ITPR1: variants seen among roughly 807,000 people sequenced by gnomAD.
The protein encoded by ITPR1 is inositol 1,4,5-trisphosphate-gated calcium channel ITPR1.
Under a neutral mutation model 318.4 loss-of-function variants are expected in ITPR1, and 96 were observed. The ratio of observed to expected loss-of-function variants is 0.30; its 90% CI spans 0.26 to 0.36. ITPR1 has a LOEUF of 0.36. Ranked by LOEUF, ITPR1 falls within the 10% of genes least tolerant of loss-of-function variation. The pLI is 1.00. For synonymous variants in ITPR1, 1,312 were observed against 1,289.9 expected (o/e 1.02, Z -0.37); for missense variants, 2,440 against 3,460.2 (o/e 0.71, Z 7.40).
chr3:4,618,194 T>C (rs1315661845), intron 4 of ITPR1, among the ~76,000 whole-genome samples: 1 of 152,178 alleles, frequency 6.6e-6, no homozygotes, highest in Non-Finnish European at 1.5e-5. Flanking sequence ...CACTTTAAAA[T>C]GGTTAATTTT....
intron 46 of ITPR1, among the ~76,000 whole-genome samples, chr3:4,769,692 G>A (rs1462719099): frequency 1.3e-5 from 2 of 152,226 alleles, no homozygotes; most frequent in East Asian, 1.9e-4. Context: ...GGAAACTGAG[G>A]TGCAGAGGAC....
In ITPR1 at chr3:4,659,435, C is replaced by A. The variant is rs192047130; in HGVS notation, c.1151+1157C>A. Among the ~76,000 whole-genome samples the A allele has an allele frequency of 4.6e-3, 695 of 152,250 alleles. 5 individuals are homozygous for A. The highest frequency in any genetic ancestry group is 0.016 in the African/African-American group (660 of 41,544). ...GTGCCTCACACCTGTAATCCGAGCACTTTGGGAGGCTGAAGCAGACAGATC... is the reference window on the plus strand; with the variant it reads ...GTGCCTCACACCTGTAATCCGAGCAATTTGGGAGGCTGAAGCAGACAGATC... On this transcript the variant is annotated intron_variant, in intron 13 of 61. Transcript: ENST00000649015.
intron 54 of ITPR1, 58 bp from the exon 55 acceptor site, chr3:4,806,045 T>C (rs2048532390): frequency 3.5e-6 from 5 of 1,411,210 alleles, no homozygotes; most frequent in Non-Finnish European, 9.7e-7. Flanking sequence ...CTCTCGTTGC[T>C]CTCATGAAGA....
chr3:4,661,217 C>A, intron 14 of ITPR1, 130 bp downstream of exon 14: 1 of 538,884 alleles, frequency 1.9e-6, no homozygotes, highest in Non-Finnish European at 3.4e-6. Flanking sequence ...CATGGCCGAA[C>A]TTGAATGTGA....
intron 34 of ITPR1, among the ~76,000 whole-genome samples, 177 bp downstream of exon 34, chr3:4,697,449 T>C (rs2094578032): frequency 1.5e-5 from 2 of 134,590 alleles, no homozygotes; most frequent in African/African-American, 5.7e-5. Context: ...CATGTATCCT[T>C]TCTTCCTTTT....
At chr3:4,689,065 A>C (rs1231596983) in intron 31 of ITPR1, among the ~76,000 whole-genome samples, 1 of 152,226 alleles carries the variant, frequency 6.6e-6, no homozygotes, top group African/African-American at 2.4e-5. Context: ...AATGTATTGT[A>C]GGTTTTGTAA....
At chr3:4,707,354 G>T (rs908712696) in intron 37 of ITPR1, among the ~76,000 whole-genome samples, 1 of 152,152 alleles carries the variant, frequency 6.6e-6, no homozygotes, top group Non-Finnish European at 1.5e-5. Flanking sequence ...TTGCTCACTC[G>T]CATATTTGGC....
intron 5 of ITPR1, among the ~76,000 whole-genome samples, chr3:4,631,616 G>A (rs1229250545): frequency 1.3e-5 from 2 of 152,172 alleles, no homozygotes; most frequent in African/African-American, 4.8e-5. Context: ...GGATTGTTGT[G>A]CCTTTTGGGA....
intron 4 of ITPR1, among the ~76,000 whole-genome samples, chr3:4,583,526 T>C (rs1461026332): frequency 6.6e-6 from 1 of 152,182 alleles, no homozygotes; most frequent in Non-Finnish European, 1.5e-5. Flanking sequence ...CTCAGCATTT[T>C]CTCTTCCCCT....
chr3:4,662,034 T>C, intron 14 of ITPR1, 48 bp from the exon 15 acceptor site: 1 of 1,535,154 alleles, frequency 6.5e-7, no homozygotes, highest in Non-Finnish European at 9.0e-7. Context: ...TAAAGTCTTA[T>C]CCTTCCCATC....
chr3:4,790,125 C>G (rs1437104838), intron 52 of ITPR1, among the ~76,000 whole-genome samples: 1 of 152,138 alleles, frequency 6.6e-6, no homozygotes, highest in Non-Finnish European at 1.5e-5. Context: ...AGGTTTTCAC[C>G]TTTTCTGGTG....
intron 4 of ITPR1, among the ~76,000 whole-genome samples, chr3:4,523,363 A>C (rs2082713065): frequency 6.6e-6 from 1 of 152,204 alleles, no homozygotes; most frequent in Non-Finnish European, 1.5e-5. Context: ...GATGTTTTAG[A>C]ATATGCATGT....
intron 16 of ITPR1, 93 bp from the exon 17 acceptor site, chr3:4,665,045 C>G (rs1394455641): frequency 7.4e-7 from 1 of 1,359,986 alleles, no homozygotes; most frequent in African/African-American, 1.4e-5. Context: ...CTAATGTAAT[C>G]CAGCCACCCT....
At chr3:4,698,339 A>G (rs1189684188) in intron 34 of ITPR1, among the ~76,000 whole-genome samples, 1 of 152,146 alleles carries the variant, frequency 6.6e-6, no homozygotes, top group Non-Finnish European at 1.5e-5. Context: ...TGAGAACCGT[A>G]TTTAGTAATA....
intron 58 of ITPR1, 40 bp downstream of exon 58, chr3:4,814,602 G>A: frequency 7.8e-7 from 1 of 1,278,928 alleles, no homozygotes; most frequent in Non-Finnish European, 1.1e-6. Flanking sequence ...AAAGGGGGCG[G>A]GTGGGGTGGT....
At chr3:4,611,785 A>C (rs888872659) in intron 4 of ITPR1, among the ~76,000 whole-genome samples, 15 of 152,090 alleles carry the variant, frequency 9.9e-5, no homozygotes, top group Admixed American at 1.3e-4. Context: ...TTCAATGAAT[A>C]CTTGCTTGGT....
At chr3:4,782,574 G>A in intron 49 of ITPR1, 45 bp from the exon 50 acceptor site, 1 of 1,567,890 alleles carries the variant, frequency 6.4e-7, no homozygotes, top group Non-Finnish European at 8.7e-7. Flanking sequence ...TCCTGTGTGG[G>A]TCTTCCTTGA....
In ITPR1 at chr3:4,809,731, A is replaced by C. The variant is rs374199399; in HGVS notation, c.7273-1534A>C. ...AAACTATAGATGAGTGAAAAGGAAA[A>C]AATCGCTTGTCATTTCTATGATTTG... On this transcript the variant is annotated intron_variant, in intron 55 of 61. Transcript: ENST00000649015. 2.0e-3 allele frequency among the ~76,000 whole-genome samples: 305 copies of C among 152,320 alleles called. 2 individuals are homozygous for C. The highest frequency in any genetic ancestry group is 6.8e-3 in the African/African-American group (284 of 41,574).
Position 4,766,706 on chromosome 3 carries a change from A to G in ITPR1, c.5721A>G (p.Lys1907=). 1.3e-6 allele frequency: 2 copies of G among 1,597,310 alleles called. No individual in the cohort carries two copies. The highest frequency in any genetic ancestry group is 1.7e-6 in the Non-Finnish European group (2 of 1,171,600). The part of the protein sequence containing the change: ...DEVDRDAPSR[K]KAKEPTTQIT... ...TAGACAGGGATGCCCCATCACGGAA[A>G]AAAGGTAAATGTTCCTCAGTCTTCA... is the stretch of plus-strand genomic sequence containing the variant. Residue 1907 remains lysine, a synonymous_variant, in exon 45 of 62, where the codon AAA becomes AAG. Coordinates refer to ENST00000649015, the MANE Select transcript of ITPR1 (RefSeq NM_001378452.1).
Sources: allele counts gnomAD v4.1 joint callset (sites outside exome capture counted in the v4.1 genomes callset), GRCh38; gene constraint gnomAD v4.1.1; transcripts MANE v1.5; gene names NCBI Gene and HGNC (gene_info 2026-07-23, HGNC 2026-07-21).